Variants in TBC1D15 observed in about 807,000 individuals in gnomAD.
The protein encoded by TBC1D15 is TBC1 domain family member 15.
Under a neutral mutation model 95.4 loss-of-function variants are expected in TBC1D15, and 39 were observed. The observed-to-expected ratio is 0.41, with a 90% CI of 0.32 to 0.53. TBC1D15 has a LOEUF of 0.53. Among genes scored for constraint, TBC1D15 ranks in the 20% least tolerant of loss-of-function variants. The pLI is 0.29. For synonymous variants in TBC1D15, 258 were observed against 261.3 expected, an observed-to-expected ratio of 0.99 and a Z score of 0.12; for missense variants, 733 against 794.3, an observed-to-expected ratio of 0.92 and a Z score of 0.93.
chr12:71,850,027 C>T (rs1887370104), intron 1 of TBC1D15: 1 of 522,438 alleles, frequency 1.9e-6, no homozygotes, highest in African/African-American at 2.0e-5. Flanking sequence ...TTGACCCTCT[C>T]CAGACAATTG....
At chr12:71,898,084 T>C in intron 10 of TBC1D15, 143 bp downstream of exon 10, 2 of 564,514 alleles carry the variant, frequency 3.5e-6, no homozygotes, top group East Asian at 2.9e-5. Context: ...AGTGTGTGTT[T>C]AATGTTCTTT....
At chr12:71,859,213 A>T (rs1889830730) in intron 1 of TBC1D15, among the ~76,000 whole-genome samples, 1 of 152,088 alleles carries the variant, frequency 6.6e-6, no homozygotes, top group Non-Finnish European at 1.5e-5. Context: ...GCATAGATTC[A>T]AGTTGCTCTG....
At chr12:71,849,432 A>G in intron 1 of TBC1D15, 1 of 1,152,630 alleles carries the variant, frequency 8.7e-7, no homozygotes, top group Non-Finnish European at 1.3e-6. Flanking sequence ...CAGTCAAAAC[A>G]CTCCATGGGC....
chr12:71,904,496 C>G (rs1282549276), intron 10 of TBC1D15, among the ~76,000 whole-genome samples: 2 of 152,070 alleles, frequency 1.3e-5, no homozygotes, highest in African/African-American at 4.8e-5. Context: ...AGGTTGAATA[C>G]TATGGGAATG....
intron 10 of TBC1D15, among the ~76,000 whole-genome samples, chr12:71,901,126 TA>T (rs1899286280): frequency 6.6e-6 from 1 of 152,148 alleles, no homozygotes; most frequent in East Asian, 1.9e-4. Context: ...GCTCAAAGGA[TA>T]CTCCAGCCTC....
chr12:71,922,199 C>T (rs1298036051), intron 16 of TBC1D15, among the ~76,000 whole-genome samples: 1 of 152,150 alleles, frequency 6.6e-6, no homozygotes, highest in African/African-American at 2.4e-5. Flanking sequence ...ATTCTCCTGC[C>T]TCAGCTTCCC....
chr12:71,852,853 A>G (rs1411783023), intron 1 of TBC1D15, among the ~76,000 whole-genome samples: 1 of 152,116 alleles, frequency 6.6e-6, no homozygotes, highest in East Asian at 1.9e-4. Context: ...CAACCGTTCA[A>G]CCAGTCTCTA....
chr12:71,916,961 CATTT>C (rs761811659), intron 12 of TBC1D15, among the ~76,000 whole-genome samples: 26 of 151,934 alleles, frequency 1.7e-4, no homozygotes, highest in Non-Finnish European at 3.5e-4. Context: ...AACTTGTATT[CATTT>C]ATTTATTAAT....
chr12:71,920,637 T>A, intron 14 of TBC1D15, 94 bp from the exon 15 acceptor site: 1 of 960,120 alleles, frequency 1.0e-6, no homozygotes, highest in Admixed American at 1.9e-5. Flanking sequence ...ACATCTACTT[T>A]GCATAGAAGT....
intron 1 of TBC1D15, chr12:71,854,689 A>C (rs916672207): frequency 4.4e-6 from 2 of 455,746 alleles, no homozygotes; most frequent in Non-Finnish European, 8.8e-6. Context: ...CCAGTTTGTA[A>C]TTTGTATTAA....
Position 71,921,438 on chromosome 12 carries a change from A to G in TBC1D15, c.1787A>G (p.Gln596Arg). The change falls in exon 16 of 17, where the codon CAG becomes CGG. Residue 596 changes from glutamine (Q) to arginine (R), a missense_variant. Transcript: ENST00000485960. ...ILCKAEAISL[Q>R]MVKCKELPQA... ...TGCAAGGCAGAAGCAATTTCTCTAC[A>G]GATGGTAAAATGCAAGGTATACAGT... The G allele has an allele frequency of 6.4e-7, 1 of 1,566,550 alleles. No homozygotes were observed. The highest frequency in any genetic ancestry group is 2.3e-5 in the East Asian group (1 of 43,828).
intron 3 of TBC1D15, among the ~76,000 whole-genome samples, chr12:71,875,943 G>A (rs1893719949): frequency 2.6e-5 from 4 of 151,850 alleles, no homozygotes; most frequent in Admixed American, 2.6e-4. Context: ...GACTACAGGC[G>A]CGCACGTCAC....
chr12:71,893,890 G>A (rs191229100), intron 6 of TBC1D15, among the ~76,000 whole-genome samples: 5 of 152,002 alleles, frequency 3.3e-5, no homozygotes, highest in Admixed American at 6.6e-5. Flanking sequence ...TAACAAATAT[G>A]TGAGTGCTTG....
At chr12:71,870,949 G>T (rs1296753287) in intron 1 of TBC1D15, among the ~76,000 whole-genome samples, 1 of 152,074 alleles carries the variant, frequency 6.6e-6, no homozygotes, top group Non-Finnish European at 1.5e-5. Flanking sequence ...ATATTCTGAA[G>T]ACTAATATTA....
At chr12:71,890,601 A>G (rs1471461447) in intron 5 of TBC1D15, among the ~76,000 whole-genome samples, 1 of 152,166 alleles carries the variant, frequency 6.6e-6, no homozygotes, top group Non-Finnish European at 1.5e-5. Context: ...AGAGATTGCT[A>G]GTAATCTAGG....
intron 10 of TBC1D15, among the ~76,000 whole-genome samples, chr12:71,900,727 A>G (rs549874304): frequency 1.3e-5 from 2 of 152,294 alleles, no homozygotes; most frequent in African/African-American, 4.8e-5. Context: ...AGTAAGTAAC[A>G]TATGTGGTAT....
chr12:71,883,132 C>CT (rs142067669), intron 4 of TBC1D15, among the ~76,000 whole-genome samples: 14,192 of 146,176 alleles, frequency 0.097, 758 homozygotes, highest in East Asian at 0.17. Flanking sequence ...TTCTTTTTTT[C>CT]TTTTTTTTTT....
intron 5 of TBC1D15, among the ~76,000 whole-genome samples, chr12:71,890,098 A>G (rs1203572231): frequency 1.3e-5 from 2 of 152,202 alleles, no homozygotes; most frequent in Admixed American, 6.5e-5. Context: ...CAGAATTCTT[A>G]AGGAGAAATT....
chr12:71,922,866 C>G, intron 16 of TBC1D15, 117 bp from the exon 17 acceptor site: 1 of 964,540 alleles, frequency 1.0e-6, no homozygotes, highest in East Asian at 2.6e-5. Context: ...GACATTTACA[C>G]TGTTAGGACA....
Sources: gnomAD v4.1 joint callset for allele counts (sites outside exome capture counted in the v4.1 genomes callset) on GRCh38, gnomAD v4.1.1 for gene constraint, MANE v1.5 for transcripts, NCBI Gene and HGNC (gene_info 2026-07-23, HGNC 2026-07-21) for gene names.